The following OPCML variants were observed in gnomAD, a reference collection of about 807,000 sequenced individuals.
OPCML encodes the protein opioid-binding protein/cell adhesion molecule.
OPCML carries 13 observed loss-of-function variants against 37.8 expected under a neutral mutation model. That is an observed-to-expected ratio of 0.34 (90% CI 0.22 to 0.55). The LOEUF is 0.55. Ranked by LOEUF, OPCML falls within the 20% of genes least tolerant of loss-of-function variation. The pLI, the probability that OPCML is intolerant of heterozygous loss-of-function variation, is 0.91. For synonymous variants in OPCML, 176 were observed against 168.8 expected (o/e 1.04, Z -0.33); for missense variants, 341 against 435.6 (o/e 0.78, Z 1.93).
chr11:133,180,057 A>G (rs1157771061), intron 1 of OPCML, among the ~76,000 whole-genome samples: 2 of 152,200 alleles, frequency 1.3e-5, no homozygotes, highest in African/African-American at 4.8e-5. Flanking sequence ...TAAGAAAGAC[A>G]GCAAGAATCA....
intron 1 of OPCML, among the ~76,000 whole-genome samples, chr11:133,028,527 G>A (rs1947606613): frequency 5.5e-5 from 1 of 18,032 alleles, no homozygotes; most frequent in African/African-American, 1.0e-3. Flanking sequence ...TAAGGAGCGT[G>A]TGTGTGTGTG....
At chr11:132,429,332 C>T (rs1000596929) in intron 7 of OPCML, among the ~76,000 whole-genome samples, 8 of 152,036 alleles carry the variant, frequency 5.3e-5, no homozygotes, top group Middle Eastern at 3.4e-3. Flanking sequence ...GTTGGATTGC[C>T]GAAGAAAGAT....
chr11:132,623,498 G>C (rs1939553184), intron 3 of OPCML, among the ~76,000 whole-genome samples: 1 of 152,134 alleles, frequency 6.6e-6, no homozygotes, highest in African/African-American at 2.4e-5. Context: ...ATTGCTCCCT[G>C]GAAAGTACTT....
intron 2 of OPCML, among the ~76,000 whole-genome samples, chr11:132,793,436 A>T (rs956465716): frequency 3.3e-5 from 5 of 152,210 alleles, no homozygotes; most frequent in African/African-American, 1.2e-4. Context: ...GCAGGGCAGG[A>T]ACCTCTTAAG....
intron 2 of OPCML, among the ~76,000 whole-genome samples, chr11:132,889,711 G>C (rs1463714911): frequency 6.6e-6 from 1 of 152,174 alleles, no homozygotes. Flanking sequence ...ATCTAAGAAA[G>C]GTAGCAGCAT....
intron 1 of OPCML, among the ~76,000 whole-genome samples, chr11:133,134,675 A>C (rs1949657155): frequency 6.6e-6 from 1 of 152,122 alleles, no homozygotes; most frequent in Non-Finnish European, 1.5e-5. Context: ...CCTTGCTCCA[A>C]GGGAACTCTT....
chr11:132,907,804 C>T (rs775183673), intron 2 of OPCML, among the ~76,000 whole-genome samples: 15 of 152,094 alleles, frequency 9.9e-5, no homozygotes, highest in Non-Finnish European at 1.5e-4. Flanking sequence ...TGTTACAGCA[C>T]CAGCACGCTA....
At position 132,561,694 on chromosome 11, in the gene OPCML, C is replaced by T. The variant is rs528471677; in HGVS notation, c.380-32508G>A. Among the ~76,000 whole-genome samples the T allele has an allele frequency of 5.0e-4, 76 of 152,354 alleles. 1 individual carries two copies. Among genetic ancestry groups the T allele is most frequent in the African/African-American group, 1.8e-3 (73 of 41,594 alleles). ...AAAATGAATTCATGTCATACTTAAT[C>T]ATTTCTGTGAATTTAAATTCTGAAT... is the stretch of plus-strand genomic sequence containing the variant. On this transcript the variant is annotated intron_variant, in intron 3 of 7. Transcript: ENST00000524381.
At chr11:133,235,097 G>A (rs1013135618) in intron 1 of OPCML, among the ~76,000 whole-genome samples, 9 of 151,938 alleles carry the variant, frequency 5.9e-5, no homozygotes, top group Admixed American at 5.9e-4. Flanking sequence ...TGCTTCAGGG[G>A]CTCCGCGGCT....
chr11:133,004,678 C>G (rs1591902066), intron 1 of OPCML: 2 of 985,330 alleles, frequency 2.0e-6, no homozygotes, highest in African/African-American at 1.7e-5. Flanking sequence ...CATGCCCTCG[C>G]TCTCCTTCAG....
intron 2 of OPCML, among the ~76,000 whole-genome samples, chr11:132,719,224 T>C (rs1163747555): frequency 6.6e-6 from 1 of 152,182 alleles, no homozygotes; most frequent in Non-Finnish European, 1.5e-5. Context: ...TTCCGCGTTT[T>C]CGTTTGGGGA....
intron 2 of OPCML, among the ~76,000 whole-genome samples, chr11:132,682,552 G>A (rs1384247436): frequency 6.6e-6 from 1 of 152,192 alleles, no homozygotes. Flanking sequence ...ACCCACACAT[G>A]AGAAAGCCTG....
chr11:133,340,705 T>A (rs1168685348), intron 1 of OPCML, among the ~76,000 whole-genome samples: 17 of 151,592 alleles, frequency 1.1e-4, no homozygotes. Flanking sequence ...ATTCTCGGTA[T>A]AACTACTTTA....
intron 1 of OPCML, among the ~76,000 whole-genome samples, chr11:133,259,636 T>A (rs148832462): frequency 6.6e-6 from 1 of 152,326 alleles, no homozygotes; most frequent in East Asian, 1.9e-4. Flanking sequence ...GAATCTTTGA[T>A]GCAAAAGTGA....
intron 4 of OPCML, among the ~76,000 whole-genome samples, chr11:132,451,186 G>A (rs765820017): frequency 6.6e-6 from 1 of 152,194 alleles, no homozygotes; most frequent in Non-Finnish European, 1.5e-5. Flanking sequence ...ATCAGCTGCA[G>A]AAGAGAAGAG....
At chr11:133,151,774 G>A (rs973013170) in intron 1 of OPCML, among the ~76,000 whole-genome samples, 1 of 152,122 alleles carries the variant, frequency 6.6e-6, no homozygotes, top group African/African-American at 2.4e-5. Flanking sequence ...AGAAGAGCAG[G>A]AGATGGAGGT....
intron 1 of OPCML, among the ~76,000 whole-genome samples, chr11:133,072,570 G>C (rs556574798): frequency 6.6e-6 from 1 of 152,350 alleles, no homozygotes; most frequent in South Asian, 2.1e-4. Flanking sequence ...ACGGCTTGAT[G>C]ACCAGATGTG....
At chr11:132,844,547 G>A (rs866830862) in intron 2 of OPCML, among the ~76,000 whole-genome samples, 1 of 152,160 alleles carries the variant, frequency 6.6e-6, no homozygotes, top group Admixed American at 6.5e-5. Flanking sequence ...GAAAGACAAA[G>A]GGCAAGAACA....
At chr11:132,801,366 A>T (rs1938638829) in intron 2 of OPCML, among the ~76,000 whole-genome samples, 1 of 152,154 alleles carries the variant, frequency 6.6e-6, no homozygotes, top group African/African-American at 2.4e-5. Context: ...TTTGACACAG[A>T]CTTCCATTTT....
Sources: gnomAD v4.1 joint callset for allele counts (sites outside exome capture counted in the v4.1 genomes callset) on GRCh38, gnomAD v4.1.1 for gene constraint, MANE v1.5 for transcripts, NCBI Gene and HGNC (gene_info 2026-07-23, HGNC 2026-07-21) for gene names.